The following GOLT1A variants were observed in gnomAD, a reference collection of about 807,000 sequenced individuals.
GOLT1A encodes the protein golgi transport 1A, also known as vesicle transport protein GOT1A.
In GOLT1A, 10 loss-of-function variants were observed where a neutral mutation model predicts 16.1. The ratio of observed to expected loss-of-function variants is 0.62; its 90% CI spans 0.38 to 1.05. The LOEUF (loss-of-function observed/expected upper bound fraction) is 1.05. GOLT1A is among the 50% of genes least tolerant of loss of function. The pLI, the probability that GOLT1A is intolerant of heterozygous loss-of-function variation, is 0.01. For synonymous variants in GOLT1A, 60 were observed against 67.9 expected, an observed-to-expected ratio of 0.88 and a Z score of 0.57; for missense variants, 137 against 165.7, an observed-to-expected ratio of 0.83 and a Z score of 0.95.
chr1:204,210,675 A>C (rs534674653), intron 1 of GOLT1A, among the ~76,000 whole-genome samples: 41 of 152,246 alleles, frequency 2.7e-4, no homozygotes, highest in African/African-American at 9.6e-4. Flanking sequence ...CCTGGCCTCA[A>C]GCGATCCTCC....
chr1:204,201,174 C>T (rs187659488), intron 3 of GOLT1A, among the ~76,000 whole-genome samples: 12 of 152,296 alleles, frequency 7.9e-5, no homozygotes, highest in Middle Eastern at 3.4e-3. Context: ...GGGTTAAGGG[C>T]GACCTTTTTC....
At chr1:204,207,839 C>T (rs1040150118) in intron 1 of GOLT1A, among the ~76,000 whole-genome samples, 2 of 152,098 alleles carry the variant, frequency 1.3e-5, no homozygotes, top group Non-Finnish European at 2.9e-5. Flanking sequence ...AACTCCTGGA[C>T]ACTAAGGACA....
In GOLT1A at chr1:204,213,094, G is replaced by A. The variant is rs144317411; in HGVS notation, c.25+788C>T. On this transcript the variant is annotated intron_variant, in intron 1 of 4. Coordinates refer to ENST00000308302, the MANE Select transcript of GOLT1A (RefSeq NM_198447.2). ...ATAAAATAGCGACCCCTCCTACCTC[G>A]AACTCCATAGCCTCCTCTTGTTTTA... 4.3e-4 allele frequency among the ~76,000 whole-genome samples: 65 copies of A among 152,156 alleles called. 1 individual carries two copies. The highest frequency in any genetic ancestry group is 5.9e-4 in the Admixed American group (9 of 15,290).
chr1:204,202,896 G>A lies in GOLT1A; in HGVS notation c.117C>T (p.Asn39=), dbSNP rs567503336. 8.4e-5 allele frequency: 135 copies of A among 1,613,238 alleles called. 2 individuals carry two copies. In the South Asian group the frequency reaches 1.2e-3, roughly 14 times the overall value. The change falls in exon 2 of 5, where the codon AAC becomes AAT. Residue 39 remains asparagine (N), a splice_region_variant and synonymous_variant. Transcript: ENST00000308302. ...GGGGACACAGGGCTGGGAGACTCAC[G>A]TTTCCAAAGGCCAGGAGCACGGAAT... ...YFDSVLLAFG[N]LLFLTGLSLI...
intron 3 of GOLT1A, among the ~76,000 whole-genome samples, chr1:204,201,015 A>G (rs973090881): frequency 1.3e-5 from 2 of 151,946 alleles, no homozygotes; most frequent in African/African-American, 2.4e-5. Flanking sequence ...TGCTTCCTCT[A>G]TGACACTACC....
chr1:204,201,605 G>A, intron 3 of GOLT1A, 28 bp downstream of exon 3: 1 of 1,611,578 alleles, frequency 6.2e-7, no homozygotes. Context: ...TGGTGGGTCT[G>A]TCCAGGGTTA....
chr1:204,208,476 G>GTATATATATATATATATATATATA (rs1553234655), intron 1 of GOLT1A, among the ~76,000 whole-genome samples: 1 of 39,940 alleles, frequency 2.5e-5, no homozygotes, highest in Non-Finnish European at 6.0e-5. Flanking sequence ...GTGTGTGTGT[G>GTATATATATATATATATATATATA]TATATATATA....
At chr1:204,199,306 G>C in intron 3 of GOLT1A, 48 bp from the exon 4 acceptor site, 2 of 1,467,090 alleles carry the variant, frequency 1.4e-6, no homozygotes, top group Non-Finnish European at 1.9e-6. Flanking sequence ...CCCAGGAAGA[G>C]AGGATAGAGG....
At chr1:204,199,132 C>G (rs1399149704) in intron 4 of GOLT1A, 63 bp downstream of exon 4, 11 of 1,413,140 alleles carry the variant, frequency 7.8e-6, no homozygotes, top group African/African-American at 1.4e-5. Context: ...ACCAGCTCCC[C>G]TCCGTGTGCT....
At chr1:204,210,033 G>T (rs1659115862) in intron 1 of GOLT1A, among the ~76,000 whole-genome samples, 2 of 152,080 alleles carry the variant, frequency 1.3e-5, no homozygotes, top group South Asian at 4.2e-4. Context: ...ACTCTAGCCT[G>T]GGCAACAAGA....
In GOLT1A at chr1:204,198,388, G is replaced by A. The variant is rs778975818; in HGVS notation, c.*70C>T. The A allele has an allele frequency of 3.6e-6, 5 of 1,407,960 alleles. No individual in the cohort carries two copies. The highest frequency in any genetic ancestry group is 1.8e-4 in the Middle Eastern group (1 of 5,698). 87.2% of individuals were successfully genotyped at this position (1,407,960 alleles called of 1,614,324 possible). ...GAGTGAGTCAGTGCAGGGGACTGAG[G>A]GGGTGGTTCCCATTCTCCCTCTAGC... On this transcript the variant is annotated 3_prime_UTR_variant, in exon 5 of 5. Coordinates refer to ENST00000308302, the MANE Select transcript of GOLT1A (RefSeq NM_198447.2).
At position 204,213,921 on chromosome 1, in the gene GOLT1A, G is replaced by C; in HGVS notation, c.-15C>G. On this transcript the variant is annotated 5_prime_UTR_variant, in exon 1 of 5. Transcript: ENST00000308302. ...ATGGAGATCATGCCGCACTCAGCCTGGGGGGCTTTCCGGGTGGAAGCGGGC... is the reference window on the plus strand; with the variant it reads ...ATGGAGATCATGCCGCACTCAGCCTCGGGGGCTTTCCGGGTGGAAGCGGGC... The C allele has an allele frequency of 6.2e-7, 1 of 1,612,074 alleles. No individual in the cohort carries two copies.
chr1:204,200,443 C>G (rs925126681), intron 3 of GOLT1A, among the ~76,000 whole-genome samples: 1 of 150,770 alleles, frequency 6.6e-6, no homozygotes, highest in Non-Finnish European at 1.5e-5. Flanking sequence ...TGTGTCTCAG[C>G]CTCCCGAGTA....
chr1:204,206,133 C>G (rs1323061763), intron 1 of GOLT1A, among the ~76,000 whole-genome samples: 1 of 152,136 alleles, frequency 6.6e-6, no homozygotes, highest in Non-Finnish European at 1.5e-5. Flanking sequence ...AGACTGAAAC[C>G]TTGCTCAACT....
rs376485232 is a variant in GOLT1A, at chr1:204,213,869, T to G, written c.25+13A>C. 2 of 1,612,856 alleles carry G rather than the reference T, an allele frequency of 1.2e-6. No homozygotes were observed. Among genetic ancestry groups the G allele is most frequent in the Non-Finnish European group, 1.7e-6 (2 of 1,179,708 alleles). On this transcript the variant is annotated intron_variant, in intron 1 of 4. Transcript: ENST00000308302. Reference sequence around the variant, plus strand: ...CCTGGATAGCCCATTGCAGCCCCGCTCATCCCACTTACTCTGCCATTCGGT... The same window carrying G: ...CCTGGATAGCCCATTGCAGCCCCGCGCATCCCACTTACTCTGCCATTCGGT...
intron 1 of GOLT1A, among the ~76,000 whole-genome samples, chr1:204,208,084 T>C (rs1276010805): frequency 6.6e-6 from 1 of 152,162 alleles, no homozygotes; most frequent in South Asian, 2.1e-4. Context: ...ATAGCCACTA[T>C]GGAAAACAGT....
intron 2 of GOLT1A, among the ~76,000 whole-genome samples, chr1:204,202,669 T>G (rs1658980755): frequency 3.3e-5 from 5 of 152,072 alleles, no homozygotes; most frequent in Admixed American, 3.3e-4. Flanking sequence ...GTCCTCAGAT[T>G]CTTGGTGCCA....
rs1472363164 is a variant in GOLT1A, at chr1:204,210,586, G to A, written c.25+3296C>T. 2.6e-5 allele frequency among the ~76,000 whole-genome samples: 4 copies of A among 152,126 alleles called. No individual in the cohort carries two copies. The East Asian group carries it at 5.8e-4, about 22-fold the overall frequency. On this transcript the variant is annotated intron_variant, in intron 1 of 4. Transcript: ENST00000308302. ...TACAGGCACTTGGCCACCATGCCCAGCTAATTTTTTAAAATTGGTTTAAAT... is the reference window on the plus strand; with the variant it reads ...TACAGGCACTTGGCCACCATGCCCAACTAATTTTTTAAAATTGGTTTAAAT...
Position 204,206,097 on chromosome 1 carries a change from G to A in GOLT1A, c.26-3110C>T, listed in dbSNP as rs539197428. On this transcript the variant is annotated intron_variant, in intron 1 of 4. Coordinates refer to ENST00000308302, the MANE Select transcript of GOLT1A (RefSeq NM_198447.2). ...AAAAAAAAGAAAACAGAAAAATACA[G>A]TGATAAGATCTAGCATTCAAATTAT... Among the ~76,000 whole-genome samples the A allele has an allele frequency of 2.5e-4, 38 of 152,212 alleles. No homozygotes were observed. The South Asian group carries it at 7.9e-3, about 32-fold the overall frequency.
Sources: allele counts gnomAD v4.1 joint callset (sites outside exome capture counted in the v4.1 genomes callset), GRCh38; gene constraint gnomAD v4.1.1; transcripts MANE v1.5; gene names NCBI Gene and HGNC (gene_info 2026-07-23, HGNC 2026-07-21).